Variants in CAST observed in about 807,000 individuals in gnomAD.
CAST encodes the protein calpastatin.
Under a neutral mutation model 119.6 loss-of-function variants are expected in CAST, and 76 were observed. The observed-to-expected ratio is 0.64, with a 90% confidence interval of 0.53 to 0.77. The LOEUF is 0.77. CAST is among the 30% of genes least tolerant of loss of function. The probability of loss-of-function intolerance (pLI) is 0.00; values close to 1 mark genes in which losing one functional copy is unlikely to be tolerated. For missense variants in CAST, 953 were observed against 946.5 expected, an observed-to-expected ratio of 1.01 and a Z score of -0.09; for synonymous variants, 319 against 331.6, an observed-to-expected ratio of 0.96 and a Z score of 0.41.
At chr5:96,251,495 TC>T in the CAST span, among the ~76,000 whole-genome samples, 3 of 152,102 alleles carry the variant, frequency 2.0e-5, no homozygotes, top group Non-Finnish European at 4.4e-5. Flanking sequence ...GATTCCTCCC[TC>T]CCCTACATAG....
intron 1 of CAST, among the ~76,000 whole-genome samples, chr5:96,639,607 G>C (rs73774347): frequency 0.022 from 3,421 of 152,338 alleles, 57 homozygotes; most frequent in African/African-American, 0.05. Flanking sequence ...TCGTAGACAA[G>C]TGGTGCCTGG....
chr5:96,543,316 A>T (rs968752145), intron 1 of CAST, among the ~76,000 whole-genome samples: 1 of 152,150 alleles, frequency 6.6e-6, no homozygotes, highest in Non-Finnish European at 1.5e-5. Context: ...CTCACTCATA[A>T]GTGGGAGTTG....
intron 1 of CAST, among the ~76,000 whole-genome samples, chr5:96,625,420 C>G (rs1747703501): frequency 2.0e-5 from 3 of 152,112 alleles, no homozygotes. Context: ...TAGATAAATA[C>G]CTGAAACTAG....
the CAST span, chr5:95,961,905 C>T: frequency 1.4e-6 from 1 of 729,968 alleles, no homozygotes. Context: ...ACCCTCCGGC[C>T]CCGCGCCCCG....
chr5:96,057,794 G>A, the CAST span, among the ~76,000 whole-genome samples: 1 of 152,116 alleles, frequency 6.6e-6, no homozygotes, highest in Non-Finnish European at 1.5e-5. Context: ...ATGAAATGTT[G>A]TCACATCAGG....
At position 96,648,053 on chromosome 5, in the gene CAST, A is replaced by C. The variant is rs147339597; in HGVS notation, c.61-27486A>C. ...TCTGGAAAGAGTAACTGCTTTTTCA[A>C]CTTAGGTTGTGTTTCCCCAGTATTT... On this transcript the variant is annotated intron_variant, in intron 1 of 11. Coordinates refer to the CAST transcript ENST00000505143. Among the ~76,000 whole-genome samples, 809 of 152,298 alleles carry C rather than the reference A, an allele frequency of 5.3e-3. 4 individuals are homozygous for C. Among genetic ancestry groups the C allele is most frequent in the African/African-American group, 0.018 (764 of 41,562 alleles).
chr5:96,580,891 G>A (rs1056293096), intron 1 of CAST, among the ~76,000 whole-genome samples: 3 of 152,170 alleles, frequency 2.0e-5, no homozygotes, highest in Non-Finnish European at 4.4e-5. Flanking sequence ...GAGCCCTCAG[G>A]AACAGGATGA....
At position 96,663,260 on chromosome 5, in the gene CAST, C is replaced by G. The variant is rs1324132071; in HGVS notation, c.75+763C>G. The G allele has an allele frequency of 1.0e-5, 7 of 701,100 alleles. No homozygotes were observed. The East Asian group carries it at 1.3e-4, about 13-fold the overall frequency. The allele number at this position is 701,100 out of a possible 1,614,324, so 43.4% of individuals were successfully genotyped here. ...TGCCCTTCTGGGCGTGCGGATGAAG[C>G]GTTGTCCGGGGTTTGGCGGGGAAGG... On this transcript the variant is annotated intron_variant, in intron 1 of 31. Transcript: ENST00000675179.
chr5:96,129,351 A>C, the CAST span, among the ~76,000 whole-genome samples: 2 of 152,116 alleles, frequency 1.3e-5, no homozygotes, highest in African/African-American at 4.8e-5. Flanking sequence ...AGAGAAGGCT[A>C]GGCTTGAGTG....
At chr5:96,648,717 C>CGTGTGTGTGTGTGTGT (rs72068689) in intron 1 of CAST, among the ~76,000 whole-genome samples, 9 of 148,810 alleles carry the variant, frequency 6.0e-5, no homozygotes, top group African/African-American at 1.7e-4. Context: ...TATATATATG[C>CGTGTGTGTGTGTGTGT]GTGTGTGTGT....
chr5:96,064,002 C>A, the CAST span, among the ~76,000 whole-genome samples: 1 of 152,260 alleles, frequency 6.6e-6, no homozygotes, highest in East Asian at 1.9e-4. Context: ...ATCCATTCCT[C>A]AGTTTACCTG....
At chr5:96,502,614 G>GTCTT in the CAST span, among the ~76,000 whole-genome samples, 16,385 of 143,068 alleles carry the variant, frequency 0.11, 1,428 homozygotes, top group African/African-American at 0.25. Context: ...AAGTTACCTA[G>GTCTT]TCTTTCTTTC....
intron 1 of CAST, among the ~76,000 whole-genome samples, chr5:96,641,471 C>T (rs898055211): frequency 6.6e-6 from 1 of 152,102 alleles, no homozygotes; most frequent in Non-Finnish European, 1.5e-5. Context: ...TCTTGAGAAT[C>T]GGGCTCTTTG....
chr5:96,506,691 G>A, the CAST span, among the ~76,000 whole-genome samples: 5 of 152,222 alleles, frequency 3.3e-5, no homozygotes, highest in African/African-American at 1.2e-4. Flanking sequence ...CTATGAGGAG[G>A]TCTCAGCAGT....
chr5:96,231,667 G>T, the CAST span, among the ~76,000 whole-genome samples: 2 of 152,136 alleles, frequency 1.3e-5, no homozygotes, highest in East Asian at 3.9e-4. Context: ...TCTCAATAAA[G>T]CTGTTAGAAT....
the CAST span, among the ~76,000 whole-genome samples, chr5:96,137,460 C>T: frequency 6.6e-6 from 1 of 152,092 alleles, no homozygotes; most frequent in African/African-American, 2.4e-5. Context: ...ATAAATACAA[C>T]TTCTGAAAAC....
the CAST span, among the ~76,000 whole-genome samples, chr5:95,984,639 A>G: frequency 3.2e-4 from 48 of 152,314 alleles, no homozygotes; most frequent in Admixed American, 1.1e-3. Context: ...TCAATAATAT[A>G]TATTTTTTGG....
rs546460648 is a variant in CAST, at chr5:96,680,999, C to T, written c.138+5398C>T. On this transcript the variant is annotated intron_variant, in intron 2 of 31. Transcript: ENST00000675179. The stretch of plus-strand genomic sequence containing the variant: ...ACCGGGATATCTAGCCCCAAGAGGC[C>T]AGCACAGGCTCGCACTGGGTGCGAC... Among the ~76,000 whole-genome samples the T allele has an allele frequency of 7.9e-5, 12 of 152,350 alleles. 2 individuals carry two copies. The South Asian group carries it at 2.3e-3, about 29-fold the overall frequency.
intron 1 of CAST, among the ~76,000 whole-genome samples, chr5:96,590,894 A>G (rs139975867): frequency 6.6e-6 from 1 of 152,350 alleles, no homozygotes; most frequent in African/African-American, 2.4e-5. Flanking sequence ...TTAAAAAGAT[A>G]AACCAGCATA....
Sources: allele counts gnomAD v4.1 joint callset (sites outside exome capture counted in the v4.1 genomes callset), GRCh38; gene constraint gnomAD v4.1.1; transcripts MANE v1.5; gene names NCBI Gene and HGNC (gene_info 2026-07-23, HGNC 2026-07-21).